Variants in RASGRP1 observed in about 807,000 individuals in gnomAD.
RASGRP1 encodes RAS guanyl-releasing protein 1.
RASGRP1 carries 37 observed loss-of-function variants against 95.1 expected under a neutral mutation model. The observed-to-expected ratio is 0.39, with a 90% CI of 0.30 to 0.51. The LOEUF (loss-of-function observed/expected upper bound fraction) is 0.51. Among genes scored for constraint, RASGRP1 ranks in the 20% least tolerant of loss-of-function variants. The pLI is 0.80. For missense variants in RASGRP1, 711 were observed against 965.4 expected (o/e 0.74, Z 3.49); for synonymous variants, 325 against 353.4 (o/e 0.92, Z 0.90).
At chr15:38,561,878 C>T (rs1235141553) in intron 1 of RASGRP1, among the ~76,000 whole-genome samples, 1 of 152,206 alleles carries the variant, frequency 6.6e-6, no homozygotes, top group Non-Finnish European at 1.5e-5. Flanking sequence ...TTGGATCAGT[C>T]TCTAAAAGCA....
At chr15:38,516,155 A>G (rs1285085135) in intron 6 of RASGRP1, 42 bp downstream of exon 6, 3 of 1,524,064 alleles carry the variant, frequency 2.0e-6, no homozygotes, top group African/African-American at 2.8e-5. Context: ...ATTTTCAGAA[A>G]TATCCCAGGG....
intron 3 of RASGRP1, among the ~76,000 whole-genome samples, chr15:38,521,633 G>A (rs1219392996): frequency 6.6e-6 from 1 of 152,188 alleles, no homozygotes; most frequent in African/African-American, 2.4e-5. Flanking sequence ...AAGAGGCTCA[G>A]GCATCTGCTG....
At chr15:38,523,862 G>A (rs1210718227) in intron 3 of RASGRP1, among the ~76,000 whole-genome samples, 1 of 152,150 alleles carries the variant, frequency 6.6e-6, no homozygotes, top group Non-Finnish European at 1.5e-5. Context: ...GCCTAGAAGT[G>A]TAGCAGGCTA....
intron 6 of RASGRP1, among the ~76,000 whole-genome samples, chr15:38,513,257 A>G (rs1331696824): frequency 6.6e-6 from 1 of 152,228 alleles, no homozygotes; most frequent in Non-Finnish European, 1.5e-5. Context: ...GTTACTGACT[A>G]TTCTAAATTC....
chr15:38,559,271 C>T (rs750284288), intron 2 of RASGRP1, among the ~76,000 whole-genome samples: 4 of 152,146 alleles, frequency 2.6e-5, no homozygotes, highest in Admixed American at 1.3e-4. Context: ...CTGAAATGTG[C>T]GTGTCCACAT....
chr15:38,541,541 G>A (rs903096825), intron 2 of RASGRP1, among the ~76,000 whole-genome samples: 2 of 152,056 alleles, frequency 1.3e-5, no homozygotes, highest in African/African-American at 2.4e-5. Flanking sequence ...GCACTGAGCC[G>A]TGATTGTGCC....
chr15:38,559,376 C>T (rs1034486937), intron 2 of RASGRP1, among the ~76,000 whole-genome samples: 4 of 152,152 alleles, frequency 2.6e-5, no homozygotes, highest in African/African-American at 4.8e-5. Flanking sequence ...TTTCCTATTC[C>T]ACCACATCTG....
At position 38,490,619 on chromosome 15, in the gene RASGRP1, C is replaced by T; in HGVS notation, c.2329G>A (p.Glu777Lys). The T allele has an allele frequency of 6.2e-7, 1 of 1,612,848 alleles. No individual in the cohort carries two copies. The highest frequency in any genetic ancestry group is 8.5e-7 in the Non-Finnish European group (1 of 1,179,174). The change falls in exon 17 of 17, where the codon GAA (glutamate) becomes AAA (lysine). Residue 777 changes from glutamate to lysine, a missense_variant. This residue lies in a region of RASGRP1 where 212 missense variants were observed against 247.8 expected (regional missense o/e 0.86). Transcript: ENST00000310803. ...IQLKYAQKKI[E>K]SLQLEKSNHV... ...TTGCTTTTTTCAAGCTGGAGGGATT[C>T]TATTTTCTTCTGTGCATATTTCAGT...
rs139784122 is a variant in RASGRP1 at position 38,521,547 on chromosome 15, C to A, written c.327-2176G>T. ...CTATGCCATGGCAAAGGCTGCCCCC[C>A]ACAGGGAGCAGGGCACCCTCTTTCT... On this transcript the variant is annotated intron_variant, in intron 3 of 16. Transcript: ENST00000310803. 2.7e-3 allele frequency among the ~76,000 whole-genome samples: 415 copies of A among 152,286 alleles called. 3 individuals carry two copies. The highest frequency in any genetic ancestry group is 9.5e-3 in the African/African-American group (394 of 41,560).
chr15:38,547,855 G>A (rs1893160965), intron 2 of RASGRP1, among the ~76,000 whole-genome samples: 1 of 152,028 alleles, frequency 6.6e-6, no homozygotes, highest in African/African-American at 2.4e-5. Flanking sequence ...CTGTGTGTGT[G>A]TGCGCGCGCG....
chr15:38,541,516 AG>A (rs1011643300), intron 2 of RASGRP1, among the ~76,000 whole-genome samples: 7 of 152,176 alleles, frequency 4.6e-5, no homozygotes, highest in African/African-American at 1.7e-4. Flanking sequence ...CATTTGAGCC[AG>A]GGAAGTGGAG....
At chr15:38,522,221 T>C (rs1221767346) in intron 3 of RASGRP1, among the ~76,000 whole-genome samples, 2 of 152,230 alleles carry the variant, frequency 1.3e-5, no homozygotes, top group Non-Finnish European at 2.9e-5. Context: ...TACATACTTT[T>C]AAAATACAAA....
chr15:38,564,449 C>T, intron 1 of RASGRP1, 145 bp downstream of exon 1: 2 of 716,090 alleles, frequency 2.8e-6, no homozygotes, highest in Middle Eastern at 5.0e-4. Context: ...ACACGTCCGC[C>T]CGTCGCGCTG....
At chr15:38,535,985 G>C (rs574920744) in intron 2 of RASGRP1, among the ~76,000 whole-genome samples, 2 of 152,190 alleles carry the variant, frequency 1.3e-5, no homozygotes. Context: ...CAGAAGAGCA[G>C]GGAAGAGGTA....
chr15:38,538,195 C>T (rs762908855), intron 2 of RASGRP1, among the ~76,000 whole-genome samples: 53 of 152,062 alleles, frequency 3.5e-4, no homozygotes, highest in Admixed American at 9.2e-4. Context: ...ACCTGGGAGG[C>T]GGAGGTTGCA....
chr15:38,514,105 A>G (rs1489959958), intron 6 of RASGRP1, among the ~76,000 whole-genome samples: 3 of 146,134 alleles, frequency 2.1e-5, no homozygotes, highest in African/African-American at 7.4e-5. Flanking sequence ...AGCCACTGAG[A>G]TTGTACAGGA....
chr15:38,495,779 T>G (rs1162727134), intron 15 of RASGRP1, among the ~76,000 whole-genome samples: 1 of 147,778 alleles, frequency 6.8e-6, no homozygotes, highest in East Asian at 1.9e-4. Flanking sequence ...AATAATTACA[T>G]TTTTTTTTTG....
rs376399875 is a variant in RASGRP1 at position 38,505,882 on chromosome 15, A to G, written c.1281T>C (p.Tyr427=). ...LDLYYTEDEI[Y]ELSYAREPRN... ...TTGGTTCCCGGGCATAGGAAAGCTC[A>G]TAGATTTCATCCTCAGTGTAGTAAA... The change falls in exon 10 of 17, where the codon TAT becomes TAC. Residue 427 remains tyrosine, a synonymous_variant. Transcript: ENST00000310803. 1.9e-6 allele frequency: 3 copies of G among 1,612,202 alleles called. No individual in the cohort carries two copies. The highest frequency in any genetic ancestry group is 2.7e-5 in the African/African-American group (2 of 74,904).
At chr15:38,564,138 T>C (rs1031536812) in intron 1 of RASGRP1, among the ~76,000 whole-genome samples, 2 of 152,178 alleles carry the variant, frequency 1.3e-5, no homozygotes, top group African/African-American at 2.4e-5. Context: ...GTGCCACCTC[T>C]GCGGGCTCCC....
Sources: gnomAD v4.1 joint callset for allele counts (sites outside exome capture counted in the v4.1 genomes callset) on GRCh38, gnomAD v4.1.1 for gene constraint, gnomAD v4.1.1 regional missense constraint, MANE v1.5 for transcripts, NCBI Gene and HGNC (gene_info 2026-07-23, HGNC 2026-07-21) for gene names.